HIVEP3: variants seen among roughly 807,000 people sequenced by gnomAD.
HIVEP3 encodes the protein transcription factor HIVEP3.
HIVEP3 carries 49 observed loss-of-function variants against 152.8 expected under a neutral mutation model. The ratio of observed to expected loss-of-function variants is 0.32; its 90% CI spans 0.26 to 0.41. HIVEP3 has a LOEUF of 0.41. Ranked by LOEUF, HIVEP3 falls within the 10% of genes least tolerant of loss-of-function variation. The probability of loss-of-function intolerance (pLI) is 1.00; values close to 1 mark genes in which losing one functional copy is unlikely to be tolerated. For missense variants in HIVEP3, 2,790 were observed against 3,103.3 expected (o/e 0.90, Z 2.40); for synonymous variants, 1,269 against 1,289.0 (o/e 0.98, Z 0.33).
chr1:41,789,539 A>T (rs1649563584), intron 1 of HIVEP3, among the ~76,000 whole-genome samples: 1 of 152,246 alleles, frequency 6.6e-6, no homozygotes, highest in South Asian at 2.1e-4. Context: ...AAAATGACCT[A>T]CGGAAAATTA....
At chr1:41,812,160 C>T (rs533615530) in intron 1 of HIVEP3, among the ~76,000 whole-genome samples, 8 of 152,342 alleles carry the variant, frequency 5.3e-5, no homozygotes, top group Non-Finnish European at 1.2e-4. Flanking sequence ...CAGCTATCCT[C>T]TAGGGGGAGC....
intron 3 of HIVEP3, among the ~76,000 whole-genome samples, chr1:41,605,857 T>C (rs1197914280): frequency 6.6e-6 from 1 of 152,160 alleles, no homozygotes; most frequent in Non-Finnish European, 1.5e-5. Context: ...AAATCAGCTT[T>C]CAGATTTGTT....
chr1:41,557,603 T>G (rs1643987179), intron 5 of HIVEP3, among the ~76,000 whole-genome samples: 3 of 140,756 alleles, frequency 2.1e-5, no homozygotes, highest in Non-Finnish European at 1.5e-5. Flanking sequence ...TGGCAGGGAG[T>G]GGGGTGGTGA....
intron 2 of HIVEP3, among the ~76,000 whole-genome samples, chr1:41,689,795 C>G (rs1366074626): frequency 1.3e-5 from 2 of 152,254 alleles, no homozygotes; most frequent in African/African-American, 4.8e-5. Flanking sequence ...AGTGCCAAGA[C>G]AAGTTGAATG....
intron 3 of HIVEP3, among the ~76,000 whole-genome samples, chr1:41,591,531 A>G (rs981732399): frequency 1.3e-5 from 2 of 152,102 alleles, no homozygotes; most frequent in Admixed American, 6.5e-5. Flanking sequence ...GGCACAAGCT[A>G]GAACTGATAA....
chr1:41,677,282 T>A (rs2124083022), intron 2 of HIVEP3, among the ~76,000 whole-genome samples: 1 of 152,298 alleles, frequency 6.6e-6, no homozygotes, highest in Admixed American at 6.5e-5. Flanking sequence ...TCTAACACGC[T>A]TCACACGTAT....
At chr1:41,799,909 T>C (rs1405558356) in intron 1 of HIVEP3, among the ~76,000 whole-genome samples, 1 of 152,020 alleles carries the variant, frequency 6.6e-6, no homozygotes, top group Non-Finnish European at 1.5e-5. Context: ...CTGCACACTA[T>C]GCTGACTCAG....
At chr1:41,619,283 C>T (rs1448406798) in intron 3 of HIVEP3, among the ~76,000 whole-genome samples, 1 of 152,246 alleles carries the variant, frequency 6.6e-6, no homozygotes, top group Non-Finnish European at 1.5e-5. Context: ...TCCTGACTGC[C>T]TGATTTCAAA....
At chr1:41,739,170 A>G (rs1316939012) in intron 1 of HIVEP3, among the ~76,000 whole-genome samples, 1 of 152,232 alleles carries the variant, frequency 6.6e-6, no homozygotes, top group Admixed American at 6.5e-5. Flanking sequence ...CTGCCCCTGC[A>G]TGGCCCCAGA....
intron 1 of HIVEP3, among the ~76,000 whole-genome samples, chr1:42,013,613 G>A (rs1001721603): frequency 6.6e-6 from 1 of 152,186 alleles, no homozygotes; most frequent in Non-Finnish European, 1.5e-5. Context: ...TAAGGGCTGG[G>A]GAAGGAAGAC....
chr1:41,840,606 T>G (rs531217919), intron 1 of HIVEP3, among the ~76,000 whole-genome samples: 1 of 152,318 alleles, frequency 6.6e-6, no homozygotes, highest in East Asian at 1.9e-4. Context: ...CACGAGAAAT[T>G]AATACAGGAC....
At chr1:41,842,108 G>T (rs1643306438) in intron 1 of HIVEP3, among the ~76,000 whole-genome samples, 1 of 151,892 alleles carries the variant, frequency 6.6e-6, no homozygotes, top group Non-Finnish European at 1.5e-5. Context: ...AAAATTCACT[G>T]TTAATGATTA....
At chr1:42,006,020 A>G (rs1645457536) in intron 1 of HIVEP3, among the ~76,000 whole-genome samples, 1 of 152,212 alleles carries the variant, frequency 6.6e-6, no homozygotes, top group South Asian at 2.1e-4. Flanking sequence ...AAACAGTTCT[A>G]CACAGATAGC....
intron 3 of HIVEP3, among the ~76,000 whole-genome samples, chr1:41,591,650 A>C (rs990578265): frequency 6.6e-6 from 1 of 151,686 alleles, no homozygotes; most frequent in Admixed American, 6.6e-5. Context: ...TGAGATTGAG[A>C]CTTTGCAGCC....
At chr1:41,790,673 T>A (rs1649638592) in intron 1 of HIVEP3, among the ~76,000 whole-genome samples, 1 of 152,166 alleles carries the variant, frequency 6.6e-6, no homozygotes, top group African/African-American at 2.4e-5. Context: ...AATCCTTACG[T>A]AGGAAGCTCT....
intron 1 of HIVEP3, among the ~76,000 whole-genome samples, chr1:41,736,024 G>A (rs912908394): frequency 6.6e-6 from 1 of 152,152 alleles, no homozygotes; most frequent in Non-Finnish European, 1.5e-5. Flanking sequence ...GTGTGCAGGG[G>A]AGACACCACC....
chr1:41,941,980 T>A (rs1004030774), intron 1 of HIVEP3, among the ~76,000 whole-genome samples: 1 of 152,092 alleles, frequency 6.6e-6, no homozygotes, highest in Non-Finnish European at 1.5e-5. Context: ...ATCTGTCACC[T>A]CTAAGTCTGA....
Position 41,581,687 on chromosome 1 carries a change from C to T in HIVEP3, c.3111G>A (p.Pro1037=), listed in dbSNP as rs140064266. The T allele has an allele frequency of 2.6e-5, 42 of 1,613,772 alleles. No individual in the cohort carries two copies. The East Asian group carries it at 3.6e-4, about 14-fold the overall frequency. Residue 1037 remains proline (P), a synonymous_variant, in exon 4 of 9, where the codon CCG becomes CCA. Coordinates refer to ENST00000372583, the MANE Select transcript of HIVEP3 (RefSeq NM_024503.5). The surrounding 1 kb of genome is among the most constrained non-coding windows in gnomAD (Gnocchi z 4.5). ...CCAAGAAGCATTTTCTTCTCTCTGGCGGGGCCACCCGCGCTGGTGGAGCCA... is the reference window on the plus strand; with the variant it reads ...CCAAGAAGCATTTTCTTCTCTCTGGTGGGGCCACCCGCGCTGGTGGAGCCA... ...APVAPPARVA[P]PERRKCFLVR... is the part of the protein sequence containing the mutation.
intron 1 of HIVEP3, among the ~76,000 whole-genome samples, chr1:42,031,783 TATAA>T (rs145739224): frequency 0.013 from 2,046 of 152,278 alleles, 48 homozygotes; most frequent in African/African-American, 0.046. Context: ...AATTTGTAAA[TATAA>T]ATACTTTGTA....
Sources: gnomAD v4.1 joint callset for allele counts (sites outside exome capture counted in the v4.1 genomes callset) on GRCh38, gnomAD v4.1.1 for gene constraint, Gnocchi (gnomAD v3.1) non-coding constraint, MANE v1.5 for transcripts, NCBI Gene and HGNC (gene_info 2026-07-23, HGNC 2026-07-21) for gene names.